Variants in CMSS1 observed in about 807,000 individuals in gnomAD.
The protein encoded by CMSS1 is protein CMSS1.
CMSS1 carries 33 observed loss-of-function variants against 43.5 expected under a neutral mutation model. The observed-to-expected ratio is 0.76, with a 90% confidence interval of 0.57 to 1.01. CMSS1 has a LOEUF of 1.01. Ranked by LOEUF, CMSS1 falls within the 50% of genes least tolerant of loss-of-function variation. CMSS1 has a pLI of 0.00. For synonymous variants in CMSS1, 115 were observed against 117.2 expected (o/e 0.98, Z 0.12); for missense variants, 313 against 326.4 (o/e 0.96, Z 0.32).
At chr3:99,901,004 T>G (rs1706417864) in intron 1 of CMSS1, among the ~76,000 whole-genome samples, 1 of 152,236 alleles carries the variant, frequency 6.6e-6, no homozygotes, top group African/African-American at 2.4e-5. Flanking sequence ...TTGCTTTGCT[T>G]CTTATTGATA....
intron 1 of CMSS1, among the ~76,000 whole-genome samples, chr3:100,025,153 T>C (rs149937178): frequency 3.9e-5 from 6 of 152,272 alleles, no homozygotes; most frequent in Non-Finnish European, 7.4e-5. Flanking sequence ...TGACCATACT[T>C]AGCTAAAAGA....
Position 100,117,291 on chromosome 3 carries a change from A to T in CMSS1, c.65-29682A>T, listed in dbSNP as rs140862519. Among the ~76,000 whole-genome samples the T allele has an allele frequency of 2.7e-3, 412 of 152,200 alleles. 4 individuals carry two copies. The highest frequency in any genetic ancestry group is 4.6e-3 in the Non-Finnish European group (314 of 67,960). Reference sequence around the variant, plus strand: ...AATTCAGACAGAAACCCTATGGGAGAAATAGTCTTTTTTTCCAACTTTACA... The same window carrying T: ...AATTCAGACAGAAACCCTATGGGAGTAATAGTCTTTTTTTCCAACTTTACA... On this transcript the variant is annotated intron_variant, in intron 1 of 9. Coordinates refer to ENST00000421999, the MANE Select transcript of CMSS1 (RefSeq NM_032359.4).
intron 1 of CMSS1, among the ~76,000 whole-genome samples, chr3:100,046,834 T>C (rs2065286103): frequency 6.6e-6 from 1 of 152,228 alleles, no homozygotes; most frequent in African/African-American, 2.4e-5. Context: ...TAGTAAGTGC[T>C]CAGTGAGTGG....
chr3:100,147,709 G>A (rs956874187), intron 2 of CMSS1, among the ~76,000 whole-genome samples: 3 of 152,162 alleles, frequency 2.0e-5, no homozygotes, highest in African/African-American at 7.2e-5. Context: ...GATAGAGAAG[G>A]TTATCACACA....
At chr3:100,045,255 C>T (rs779224432) in intron 1 of CMSS1, among the ~76,000 whole-genome samples, 8 of 152,168 alleles carry the variant, frequency 5.3e-5, no homozygotes, top group African/African-American at 7.2e-5. Flanking sequence ...GAAAGGGATG[C>T]GTACAGCACA....
At chr3:100,159,982 C>A in intron 2 of CMSS1, 1 of 451,736 alleles carries the variant, frequency 2.2e-6, no homozygotes. Context: ...ATGTATAATA[C>A]AAAACAATAA....
intron 1 of CMSS1, among the ~76,000 whole-genome samples, chr3:99,915,945 T>C (rs1034342193): frequency 1.3e-5 from 2 of 152,224 alleles, no homozygotes; most frequent in Non-Finnish European, 1.5e-5. Flanking sequence ...AAAATATACC[T>C]ATTGGTATCA....
At chr3:100,140,341 C>A (rs1483629606) in intron 1 of CMSS1, among the ~76,000 whole-genome samples, 1 of 151,932 alleles carries the variant, frequency 6.6e-6, no homozygotes, top group Admixed American at 6.6e-5. Flanking sequence ...TTAAATCACC[C>A]CCCAGAAGTC....
At chr3:100,052,018 A>T (rs2107320221) in intron 1 of CMSS1, among the ~76,000 whole-genome samples, 1 of 151,686 alleles carries the variant, frequency 6.6e-6, no homozygotes, top group South Asian at 2.1e-4. Flanking sequence ...AGCAAGAAAC[A>T]CATGCAATTT....
chr3:99,848,677 G>C (rs1285197919), intron 1 of CMSS1: 1 of 1,614,156 alleles, frequency 6.2e-7, no homozygotes, highest in South Asian at 1.1e-5. Flanking sequence ...CTGAATAGGG[G>C]ACATTGTCCT....
chr3:99,854,065 G>C (rs1943838358), intron 1 of CMSS1, among the ~76,000 whole-genome samples: 1 of 152,162 alleles, frequency 6.6e-6, no homozygotes, highest in Non-Finnish European at 1.5e-5. Context: ...TAGCACTTCT[G>C]ATAGTGATGA....
intron 1 of CMSS1, among the ~76,000 whole-genome samples, chr3:100,122,531 T>C (rs1334548126): frequency 1.3e-5 from 2 of 152,256 alleles, no homozygotes; most frequent in African/African-American, 4.8e-5. Context: ...CAGGAATACA[T>C]TGTGCTATTC....
intron 1 of CMSS1, among the ~76,000 whole-genome samples, chr3:100,146,370 C>G (rs1008320595): frequency 2.0e-5 from 3 of 152,190 alleles, no homozygotes; most frequent in Non-Finnish European, 4.4e-5. Flanking sequence ...CTGGGGCCAG[C>G]ATCTGATGTC....
chr3:100,102,343 G>A (rs1195086635), intron 1 of CMSS1, among the ~76,000 whole-genome samples: 1 of 152,056 alleles, frequency 6.6e-6, no homozygotes, highest in Non-Finnish European at 1.5e-5. Flanking sequence ...TCTCATTGTG[G>A]TTTTGATTTG....
intron 1 of CMSS1, among the ~76,000 whole-genome samples, chr3:99,905,671 C>T (rs1273601838): frequency 2.6e-5 from 4 of 152,202 alleles, no homozygotes; most frequent in Admixed American, 6.5e-5. Flanking sequence ...AACTCTGCCA[C>T]TAGCCTCCTT....
At chr3:99,965,143 A>T (rs1576605722) in intron 1 of CMSS1, among the ~76,000 whole-genome samples, 1 of 152,258 alleles carries the variant, frequency 6.6e-6, no homozygotes, top group Non-Finnish European at 1.5e-5. Context: ...AAGCAATGTT[A>T]ATCCTACTAG....
intron 1 of CMSS1, among the ~76,000 whole-genome samples, chr3:99,921,252 C>G (rs1480628487): frequency 2.0e-5 from 3 of 152,180 alleles, no homozygotes; most frequent in Non-Finnish European, 1.5e-5. Flanking sequence ...ATTTCACACT[C>G]TTGTGTGTAA....
At chr3:100,058,085 G>A (rs1445100877) in intron 1 of CMSS1, among the ~76,000 whole-genome samples, 2 of 152,208 alleles carry the variant, frequency 1.3e-5, no homozygotes, top group South Asian at 2.1e-4. Context: ...TTTTCTTTTT[G>A]CAGTTGAGGA....
chr3:99,879,052 T>G (rs1253714780), intron 1 of CMSS1, among the ~76,000 whole-genome samples: 1 of 152,224 alleles, frequency 6.6e-6, no homozygotes, highest in Non-Finnish European at 1.5e-5. Flanking sequence ...ATTACTTTTG[T>G]GACTTTCTTT....
Sources: allele counts gnomAD v4.1 joint callset (sites outside exome capture counted in the v4.1 genomes callset), GRCh38; gene constraint gnomAD v4.1.1; transcripts MANE v1.5; gene names NCBI Gene and HGNC (gene_info 2026-07-23, HGNC 2026-07-21).